The following LPCAT3 variants were observed in gnomAD, a reference collection of about 807,000 sequenced individuals.
The protein encoded by LPCAT3 is lysophosphatidylcholine acyltransferase 3, also known as lysophospholipid acyltransferase 5.
In LPCAT3, 21 loss-of-function variants were observed where a neutral mutation model predicts 63.4. The ratio of observed to expected loss-of-function variants is 0.33; its 90% CI spans 0.23 to 0.48. The LOEUF is 0.48. Among genes scored for constraint, LPCAT3 ranks in the 20% least tolerant of loss-of-function variants. LPCAT3 has a pLI of 0.99. For synonymous variants in LPCAT3, 242 were observed against 227.5 expected (o/e 1.06, Z -0.58); for missense variants, 451 against 590.6 (o/e 0.76, Z 2.45).
intron 1 of LPCAT3, among the ~76,000 whole-genome samples, chr12:6,984,151 A>G (rs1394176462): frequency 3.3e-5 from 5 of 152,244 alleles, no homozygotes; most frequent in East Asian, 3.8e-4. Flanking sequence ...GTTACAAGTT[A>G]TGTGGAGATA....
intron 1 of LPCAT3, among the ~76,000 whole-genome samples, chr12:7,016,785 GC>G (rs1344122431): frequency 6.6e-6 from 1 of 152,226 alleles, no homozygotes; most frequent in East Asian, 1.9e-4. Context: ...GTGCAAATAA[GC>G]CTAGACTAGG....
intron 1 of LPCAT3, among the ~76,000 whole-genome samples, chr12:6,993,640 G>A (rs1463811253): frequency 1.3e-5 from 2 of 152,176 alleles, no homozygotes; most frequent in African/African-American, 4.8e-5. Context: ...GTCAGGCAAT[G>A]TGTAGACCTT....
chr12:7,000,211 C>T (rs984206648), intron 1 of LPCAT3, among the ~76,000 whole-genome samples: 1,522 of 151,920 alleles, frequency 0.01, 9 homozygotes, highest in Non-Finnish European at 0.014. Context: ...TGAGCCACCG[C>T]GCCTGGCCTA....
At chr12:7,003,827 C>T (rs913377107) in intron 1 of LPCAT3, among the ~76,000 whole-genome samples, 7 of 149,028 alleles carry the variant, frequency 4.7e-5, no homozygotes, top group Non-Finnish European at 1.5e-5. Flanking sequence ...GAGGCTGAGG[C>T]AGGAGAATGG....
In LPCAT3 at chr12:6,977,658, C is replaced by T; in HGVS notation, c.1128G>A (p.Leu376=). 6.2e-7 allele frequency: 1 copy of T among 1,614,236 alleles called. No individual in the cohort carries two copies. Among genetic ancestry groups the T allele is most frequent in the Non-Finnish European group, 8.5e-7 (1 of 1,180,042 alleles). ...SLLFLALWHG[L]HSGYLVCFQM... is the part of the protein sequence containing the mutation. ...GGAAGCAGACCAGGTATCCTGAGTG[C>T]AGGCCGTGCCAGAGGGCCAGGAATA... is the stretch of plus-strand genomic sequence containing the variant. The change falls in exon 10 of 13, where the codon CTG becomes CTA. Residue 376 remains leucine, a synonymous_variant. Coordinates refer to ENST00000261407, the MANE Select transcript of LPCAT3 (RefSeq NM_005768.6). The surrounding 1 kb of genome is among the most constrained non-coding windows in gnomAD (Gnocchi z 4.5).
chr12:6,992,302 T>C (rs1251821675), intron 1 of LPCAT3, among the ~76,000 whole-genome samples: 1 of 151,506 alleles, frequency 6.6e-6, no homozygotes. Flanking sequence ...CACCGCACTC[T>C]AGCCTGGGTA....
At chr12:7,004,259 CG>C (rs1352571940) in intron 1 of LPCAT3, among the ~76,000 whole-genome samples, 1 of 151,948 alleles carries the variant, frequency 6.6e-6, no homozygotes, top group African/African-American at 2.4e-5. Context: ...ATAGTTTATC[CG>C]GGGCAGAGAA....
At chr12:6,981,971 G>A (rs950271477) in intron 3 of LPCAT3, 67 bp from the exon 4 acceptor site, 71 of 861,876 alleles carry the variant, frequency 8.2e-5, no homozygotes, top group Admixed American at 1.5e-4. Flanking sequence ...GAAATTCAAT[G>A]TTCTCTTTCC....
chr12:7,001,356 A>C, intron 1 of LPCAT3: 1 of 444,672 alleles, frequency 2.2e-6, no homozygotes, highest in Non-Finnish European at 4.5e-6. Context: ...AGATTGTATA[A>C]GCTTCAGATC....
Position 6,981,006 on chromosome 12 carries a change from G to A in LPCAT3, c.675C>T (p.Asn225=). ...ELIDIPGKIP[N]SIIPALKRLS... is the part of the protein sequence containing the mutation. ...TCTGGACCAAGAGGGGCAATTACCT[G>A]TTTGGTATCTTTCCTGGTATGTCAA... Residue 225 remains asparagine (N), a splice_region_variant and synonymous_variant, in exon 6 of 13, where the codon AAC becomes AAT. Transcript: ENST00000261407. 1 of 1,591,718 alleles carries A rather than the reference G, an allele frequency of 6.3e-7. No homozygotes were observed. Among genetic ancestry groups the A allele is most frequent in the Non-Finnish European group, 8.5e-7 (1 of 1,170,320 alleles).
intron 1 of LPCAT3, 26 bp from the exon 2 acceptor site, chr12:6,983,565 G>A: frequency 7.0e-7 from 1 of 1,425,686 alleles, no homozygotes; most frequent in Non-Finnish European, 9.9e-7. Flanking sequence ...GATAAGAAGA[G>A]TGTTATTTGT....
Position 7,018,303 on chromosome 12 carries a change from G to T in LPCAT3, c.122C>A (p.Ala41Glu). 6.2e-7 allele frequency: 1 copy of T among 1,607,270 alleles called. No homozygotes were observed. Among genetic ancestry groups the T allele is most frequent in the Non-Finnish European group, 8.5e-7 (1 of 1,177,312 alleles). ...LATSLGASEQ[A>E]LRLIISIFLG... Reference sequence around the variant, plus strand: ...GAAGATGGAGATGATCAGCCGCAGCGCCTGTTCTGACGCGCCCAGGGACGT... The same window carrying T: ...GAAGATGGAGATGATCAGCCGCAGCTCCTGTTCTGACGCGCCCAGGGACGT... Residue 41 changes from alanine to glutamate, a missense_variant, in exon 1 of 13, where the codon GCG becomes GAG. Ala to Glu is a moderately radical substitution (Grantham distance 107). Coordinates refer to ENST00000261407, the MANE Select transcript of LPCAT3 (RefSeq NM_005768.6). The surrounding 1 kb of genome is among the most constrained non-coding windows in gnomAD (Gnocchi z 4.9).
In LPCAT3 at chr12:6,981,129, C is replaced by T; in HGVS notation, c.552G>A (p.Leu184=). 6.2e-7 allele frequency: 1 copy of T among 1,613,808 alleles called. No individual in the cohort carries two copies. The highest frequency in any genetic ancestry group is 8.5e-7 in the Non-Finnish European group (1 of 1,179,870). ...AGTAGGAGAAACCAGCAACTTCCAG[C>T]AGGGAAGGAACACCACGTATGGCAT... is the stretch of plus-strand genomic sequence containing the variant. ...QKYAIRGVPS[L]LEVAGFSYFY... is the part of the protein sequence containing the mutation. The change falls in exon 6 of 13, where the codon CTG becomes CTA. Residue 184 remains leucine, a synonymous_variant. Transcript: ENST00000261407.
chr12:6,985,863 C>T (rs2138337658), intron 1 of LPCAT3, among the ~76,000 whole-genome samples: 1 of 151,010 alleles, frequency 6.6e-6, no homozygotes, highest in South Asian at 2.1e-4. Flanking sequence ...CAACCTCCGG[C>T]CCCTAGGTTC....
At chr12:7,016,427 C>T (rs147542331) in intron 1 of LPCAT3, among the ~76,000 whole-genome samples, 1 of 152,180 alleles carries the variant, frequency 6.6e-6, no homozygotes, top group African/African-American at 2.4e-5. Flanking sequence ...CAGGTGCCCA[C>T]CACCATGCCC....
chr12:6,986,866 T>C (rs1946532174), intron 1 of LPCAT3, among the ~76,000 whole-genome samples: 1 of 146,462 alleles, frequency 6.8e-6, no homozygotes, highest in African/African-American at 2.5e-5. Context: ...TGTAATCCCC[T>C]ACTTTGGGAG....
chr12:6,983,177 C>G, intron 2 of LPCAT3: 1 of 459,176 alleles, frequency 2.2e-6, no homozygotes, highest in Non-Finnish European at 4.0e-6. Context: ...ATCCACAGCA[C>G]AGAGAAACTG....
At chr12:6,980,500 T>C (rs919312666) in intron 6 of LPCAT3, among the ~76,000 whole-genome samples, 5 of 152,016 alleles carry the variant, frequency 3.3e-5, no homozygotes, top group African/African-American at 1.2e-4. Context: ...GGACTACAGA[T>C]GCATGCCACT....
rs147315915 is a variant in LPCAT3, at chr12:6,981,746, G to A, written c.460+65C>T. ...CGGGGGGCGGAGGGGGGGTGCCGAGGAAGTTTTTAGTGAGATGGGGGAGGG... is the reference window on the plus strand; with the variant it reads ...CGGGGGGCGGAGGGGGGGTGCCGAGAAAGTTTTTAGTGAGATGGGGGAGGG... On this transcript the variant is annotated intron_variant, in intron 4 of 12. Transcript: ENST00000261407. 39 of 1,468,244 alleles carry A rather than the reference G, an allele frequency of 2.7e-5. No individual in the cohort carries two copies. The East Asian group carries it at 8.9e-4, about 33-fold the overall frequency. The allele number at this position is 1,468,244 out of a possible 1,614,324, so 91.0% of individuals were successfully genotyped here.
Sources: gnomAD v4.1 joint callset for allele counts (sites outside exome capture counted in the v4.1 genomes callset) on GRCh38, gnomAD v4.1.1 for gene constraint, Gnocchi (gnomAD v3.1) non-coding constraint, MANE v1.5 for transcripts, NCBI Gene and HGNC (gene_info 2026-07-23, HGNC 2026-07-21) for gene names.